Variants in GPHN observed in about 807,000 individuals in gnomAD.
GPHN encodes the protein gephyrin.
In GPHN, 17 loss-of-function variants were observed where a neutral mutation model predicts 95.5. That is an observed-to-expected ratio of 0.18 (90% confidence interval 0.12 to 0.27). The LOEUF (loss-of-function observed/expected upper bound fraction) is 0.27, where lower values mean the gene tolerates loss of function less well. Ranked by LOEUF, GPHN falls within the 10% of genes least tolerant of loss-of-function variation. The probability of loss-of-function intolerance (pLI) is 1.00; values close to 1 mark genes in which losing one functional copy is unlikely to be tolerated. For missense variants in GPHN, 660 were observed against 978.1 expected, an observed-to-expected ratio of 0.67 and a Z score of 4.34; for synonymous variants, 320 against 322.5, an observed-to-expected ratio of 0.99 and a Z score of 0.08.
chr14:67,332,651 C>A, the GPHN span: 2 of 877,854 alleles, frequency 2.3e-6, no homozygotes, highest in Non-Finnish European at 3.4e-6. Flanking sequence ...TGGAAAGGAG[C>A]TCCTGAGGTT....
rs544554212 is a variant in GPHN, at chr14:66,922,292, GTAAC to G, written c.457-371_457-368del. Among the ~76,000 whole-genome samples the G allele has an allele frequency of 4.9e-3, 726 of 147,726 alleles. 2 individuals carry two copies. Among genetic ancestry groups the G allele is most frequent in the Non-Finnish European group, 7.6e-3 (512 of 66,950 alleles). ...GTATGTTTTTTTTTTTTTTGTCACTGTAACTATTTTTATTACATCACAATAATTA... is the reference window on the plus strand; with the variant it reads ...GTATGTTTTTTTTTTTTTTGTCACTGTATTTTTATTACATCACAATAATTA... On this transcript the variant is annotated intron_variant, in intron 6 of 22. Transcript: ENST00000478722.
the GPHN span, among the ~76,000 whole-genome samples, chr14:67,426,975 G>C: frequency 1.3e-5 from 2 of 152,154 alleles, no homozygotes; most frequent in African/African-American, 4.8e-5. Flanking sequence ...GCCTCCGCAG[G>C]CTCCAGGACT....
chr14:66,891,348 C>G (rs1177706783), intron 5 of GPHN, among the ~76,000 whole-genome samples: 1 of 151,948 alleles, frequency 6.6e-6, no homozygotes, highest in Non-Finnish European at 1.5e-5. Context: ...TAAGCCCTTG[C>G]ATATAGGATG....
intron 2 of GPHN, among the ~76,000 whole-genome samples, chr14:66,699,538 A>G (rs1027057022): frequency 1.3e-5 from 2 of 152,168 alleles, no homozygotes; most frequent in Non-Finnish European, 2.9e-5. Flanking sequence ...ATAGTTCATT[A>G]GAATTGTTAT....
At chr14:66,681,765 TA>T (rs202183929) in intron 2 of GPHN, among the ~76,000 whole-genome samples, 5 of 152,118 alleles carry the variant, frequency 3.3e-5, no homozygotes, top group African/African-American at 9.7e-5. Flanking sequence ...TTCTATTTCA[TA>T]AATTTTTTTT....
At chr14:67,593,727 C>T in the GPHN span, 1 of 1,540,582 alleles carries the variant, frequency 6.5e-7, no homozygotes, top group Non-Finnish European at 9.0e-7. Context: ...GTAATACTTA[C>T]CTTTTAAATA....
chr14:67,006,657 G>T (rs967948124), intron 9 of GPHN, among the ~76,000 whole-genome samples: 2 of 152,152 alleles, frequency 1.3e-5, no homozygotes, highest in African/African-American at 4.8e-5. Flanking sequence ...CCCTAGAAAT[G>T]AAAGTGTGAA....
At chr14:67,645,731 C>G in the GPHN span, 5 of 1,614,042 alleles carry the variant, frequency 3.1e-6, no homozygotes, top group Non-Finnish European at 4.2e-6. Context: ...CATCAACACA[C>G]CCCTTACCAC....
chr14:66,648,871 T>C (rs1256278538), intron 1 of GPHN, among the ~76,000 whole-genome samples: 1 of 152,218 alleles, frequency 6.6e-6, no homozygotes, highest in Non-Finnish European at 1.5e-5. Flanking sequence ...AGTTGTTGCC[T>C]GTTCCCTAAC....
intron 4 of GPHN, among the ~76,000 whole-genome samples, chr14:66,869,951 T>C (rs146293147): frequency 3.9e-5 from 6 of 152,314 alleles, no homozygotes; most frequent in Admixed American, 3.3e-4. Flanking sequence ...CACTTCTTTA[T>C]TCAACAAATA....
At chr14:67,123,433 G>A (rs2079118668) in intron 17 of GPHN, among the ~76,000 whole-genome samples, 1 of 152,186 alleles carries the variant, frequency 6.6e-6, no homozygotes, top group Admixed American at 6.5e-5. Context: ...CCAGCACTTT[G>A]GAAGGCCAAG....
the GPHN span, among the ~76,000 whole-genome samples, chr14:67,687,786 T>A: frequency 6.7e-6 from 1 of 150,326 alleles, no homozygotes; most frequent in South Asian, 2.1e-4. Context: ...TTTTTTTCAT[T>A]TTTTCAGACA....
At chr14:67,672,447 CTTT>C in the GPHN span, among the ~76,000 whole-genome samples, 10 of 116,820 alleles carry the variant, frequency 8.6e-5, no homozygotes, top group Admixed American at 9.5e-5. Flanking sequence ...CTTTTCTTTT[CTTT>C]TTTTTTTTTT....
the GPHN span, chr14:67,279,558 A>G: frequency 2.7e-6 from 4 of 1,507,094 alleles, no homozygotes; most frequent in Non-Finnish European, 3.5e-6. Flanking sequence ...ATAGAGGTAT[A>G]ACAGAAAACA....
Position 66,508,433 on chromosome 14 carries a change from T to A in GPHN, c.-95T>A. ...CCTCGCGCTTCTCTGGCTCCCTAGC[T>A]GTCGCGCTCTCCTCGGCGAGCGCGC... On this transcript the variant is annotated 5_prime_UTR_variant, in exon 1 of 23. Coordinates refer to ENST00000478722, the MANE Select transcript of GPHN (RefSeq NM_020806.5). 4 of 1,069,390 alleles carry A rather than the reference T, an allele frequency of 3.7e-6. No individual in the cohort carries two copies. Among genetic ancestry groups the A allele is most frequent in the Non-Finnish European group, 5.8e-6 (4 of 683,830 alleles). The allele number at this position is 1,069,390 out of a possible 1,614,324, so 66.2% of individuals were successfully genotyped here.
the GPHN span, among the ~76,000 whole-genome samples, chr14:67,491,168 G>A: frequency 6.6e-6 from 1 of 152,120 alleles, no homozygotes; most frequent in African/African-American, 2.4e-5. Context: ...CACAGAACCC[G>A]GGGAAACACT....
intron 1 of GPHN, among the ~76,000 whole-genome samples, chr14:66,517,628 A>T (rs894442063): frequency 6.6e-6 from 1 of 152,178 alleles, no homozygotes; most frequent in African/African-American, 2.4e-5. Context: ...AGAACCCAGA[A>T]ATTAATCCTC....
the GPHN span, among the ~76,000 whole-genome samples, chr14:67,437,991 G>T: frequency 6.6e-6 from 1 of 152,116 alleles, no homozygotes; most frequent in African/African-American, 2.4e-5. Context: ...AGTCAAGAGG[G>T]CTGAGAGATA....
chr14:67,640,894 T>C, the GPHN span, among the ~76,000 whole-genome samples: 1 of 152,196 alleles, frequency 6.6e-6, no homozygotes, highest in Non-Finnish European at 1.5e-5. Flanking sequence ...GCGTCCCTAA[T>C]CCAGAAATCC....
Sources: allele counts gnomAD v4.1 joint callset (sites outside exome capture counted in the v4.1 genomes callset), GRCh38; gene constraint gnomAD v4.1.1; transcripts MANE v1.5; gene names NCBI Gene and HGNC (gene_info 2026-07-23, HGNC 2026-07-21).